Variants in MTBP observed in about 807,000 individuals in gnomAD.
MTBP encodes MDM2 binding protein.
In MTBP, 101 loss-of-function variants were observed where a neutral mutation model predicts 117.0. That is an observed-to-expected ratio of 0.86 (90% CI 0.73 to 1.02). The LOEUF (loss-of-function observed/expected upper bound fraction) is 1.02. MTBP is among the 50% of genes least tolerant of loss of function. The pLI, the probability that MTBP is intolerant of heterozygous loss-of-function variation, is 0.00. For missense variants in MTBP, 970 were observed against 1,030.9 expected, an observed-to-expected ratio of 0.94 and a Z score of 0.81; for synonymous variants, 350 against 351.5, an observed-to-expected ratio of 1.00 and a Z score of 0.05.
chr8:120,459,421 G>A (rs1046189063), intron 8 of MTBP, 72 bp downstream of exon 8: 3 of 1,427,904 alleles, frequency 2.1e-6, no homozygotes, highest in Non-Finnish European at 2.9e-6. Flanking sequence ...TTTGAATCTT[G>A]ACTTAATATT....
chr8:120,503,094 A>C (rs1053964506), intron 15 of MTBP, among the ~76,000 whole-genome samples: 6 of 152,196 alleles, frequency 3.9e-5, no homozygotes, highest in African/African-American at 1.4e-4. Context: ...CCCTTAGTAC[A>C]TAATTGTTAA....
intron 10 of MTBP, among the ~76,000 whole-genome samples, chr8:120,466,753 A>G (rs556691583): frequency 5.3e-5 from 8 of 152,090 alleles, no homozygotes; most frequent in Non-Finnish European, 1.2e-4. Flanking sequence ...GCTTGCCTGT[A>G]GTCCCAGCTA....
At chr8:120,460,126 G>A (rs1207097862) in intron 8 of MTBP, among the ~76,000 whole-genome samples, 2 of 152,018 alleles carry the variant, frequency 1.3e-5, no homozygotes, top group African/African-American at 2.4e-5. Context: ...CAAAAAGAGG[G>A]TATCATTTGA....
intron 13 of MTBP, among the ~76,000 whole-genome samples, chr8:120,493,470 G>A (rs540170223): frequency 4.4e-4 from 67 of 151,128 alleles, no homozygotes; most frequent in Non-Finnish European, 8.4e-4. Context: ...GTGTGTGTAT[G>A]TGTGTGTGGG....
intron 10 of MTBP, among the ~76,000 whole-genome samples, chr8:120,467,603 C>G (rs1586946185): frequency 6.6e-6 from 1 of 151,592 alleles, no homozygotes; most frequent in East Asian, 1.9e-4. Context: ...GAGATTGTCT[C>G]AAAAAAAAGA....
intron 12 of MTBP, among the ~76,000 whole-genome samples, chr8:120,488,905 A>G (rs1290903531): frequency 1.3e-5 from 2 of 152,126 alleles, no homozygotes; most frequent in Non-Finnish European, 2.9e-5. Context: ...GATGTCTAAG[A>G]TAGTTTCTTC....
chr8:120,506,999 G>A, intron 16 of MTBP, 138 bp downstream of exon 16: 1 of 668,528 alleles, frequency 1.5e-6, no homozygotes. Context: ...TTTGTCTGTT[G>A]GCCTTAATCT....
intron 9 of MTBP, among the ~76,000 whole-genome samples, chr8:120,462,813 C>T (rs1813607434): frequency 6.6e-6 from 1 of 151,854 alleles, no homozygotes; most frequent in African/African-American, 2.4e-5. Context: ...GGCTCTTGGC[C>T]CCCTCCTACT....
At chr8:120,453,004 T>C (rs949073069) in intron 4 of MTBP, among the ~76,000 whole-genome samples, 3 of 152,152 alleles carry the variant, frequency 2.0e-5, no homozygotes, top group Admixed American at 6.5e-5. Context: ...TAATAAACTT[T>C]TTTGAGAAAA....
chr8:120,518,851 G>A (rs777109107), intron 20 of MTBP, 34 bp downstream of exon 20: 4 of 1,421,870 alleles, frequency 2.8e-6, no homozygotes, highest in Non-Finnish European at 3.9e-6. Flanking sequence ...GCAAAATTTA[G>A]TTCATGTTCT....
rs2130602158 is a variant in MTBP, at chr8:120,502,472, G to C, written c.1610-20G>C. ...GTATGATAATACTTTTCAGACTTAT[G>C]TGTATTTCTTTCACTTTAGATTTTA... On this transcript the variant is annotated intron_variant, in intron 14 of 21. Transcript: ENST00000305949. 6.8e-7 allele frequency: 1 copy of C among 1,470,912 alleles called. No individual in the cohort carries two copies. The highest frequency in any genetic ancestry group is 2.3e-5 in the East Asian group (1 of 43,868). 91.1% of individuals were successfully genotyped at this position (1,470,912 alleles called of 1,614,324 possible).
intron 8 of MTBP, among the ~76,000 whole-genome samples, chr8:120,460,473 T>C (rs1344362402): frequency 6.6e-6 from 1 of 152,138 alleles, no homozygotes; most frequent in African/African-American, 2.4e-5. Flanking sequence ...TAAAACTTTG[T>C]GTAACCTCTT....
At chr8:120,463,032 A>C (rs952667626) in intron 9 of MTBP, among the ~76,000 whole-genome samples, 4 of 150,988 alleles carry the variant, frequency 2.6e-5, no homozygotes, top group African/African-American at 9.7e-5. Flanking sequence ...CTACAACTTG[A>C]AAAAAAAAAT....
At chr8:120,461,666 C>T (rs530351311) in intron 9 of MTBP, among the ~76,000 whole-genome samples, 12 of 152,248 alleles carry the variant, frequency 7.9e-5, no homozygotes, top group African/African-American at 2.6e-4. Flanking sequence ...CAACTTTGTC[C>T]TTCCCACCCA....
rs367678401 is a variant in MTBP, at chr8:120,518,862, A to G, written c.2610+45A>G. 168 of 1,317,488 alleles carry G rather than the reference A, an allele frequency of 1.3e-4. No homozygotes were observed. In the African/African-American group the frequency reaches 1.9e-3, roughly 15 times the overall value. 81.6% of individuals were successfully genotyped at this position (1,317,488 alleles called of 1,614,324 possible). A position where few individuals can be genotyped will look rare whatever the true frequency, so the allele number is the denominator to read the frequency against. Reference sequence around the variant, plus strand: ...AATGGCAAAATTTAGTTCATGTTCTAATGTTCCTGTTTGACATAAAAAAAA... The same window carrying G: ...AATGGCAAAATTTAGTTCATGTTCTGATGTTCCTGTTTGACATAAAAAAAA... On this transcript the variant is annotated intron_variant, in intron 20 of 21. Coordinates refer to ENST00000305949, the MANE Select transcript of MTBP (RefSeq NM_022045.5).
intron 21 of MTBP, 100 bp downstream of exon 21, chr8:120,522,819 G>C: frequency 1.2e-6 from 1 of 823,440 alleles, no homozygotes. Context: ...TCAGTTACTG[G>C]TCTTTTTCAA....
chr8:120,446,514 G>A lies in MTBP; in HGVS notation c.199+1G>A, dbSNP rs1392457099. ...AATCCAGAAGATAGTACTTTCCCTG[G>A]TAAGTATAATAAACTCCTCTTTTCT... is the stretch of plus-strand genomic sequence containing the variant. On this transcript the variant is annotated splice_donor_variant, in intron 2 of 21. Transcript: ENST00000305949. LOFTEE classifies it high-confidence loss of function. The A allele has an allele frequency of 6.5e-7, 1 of 1,537,302 alleles. No individual in the cohort carries two copies. Among genetic ancestry groups the A allele is most frequent in the Non-Finnish European group, 9.0e-7 (1 of 1,110,822 alleles).
rs117649782 is a variant in MTBP, at chr8:120,485,792, C to A, written c.1166-2367C>A. On this transcript the variant is annotated intron_variant, in intron 11 of 21. Coordinates refer to ENST00000305949, the MANE Select transcript of MTBP (RefSeq NM_022045.5). ...CTTATTAGGTTTGTTTTCTTGTTTG[C>A]GTATTTATTTGTTGTATGAGTTGGC... Among the ~76,000 whole-genome samples, 15 of 152,104 alleles carry A rather than the reference C, an allele frequency of 9.9e-5. No homozygotes were observed. The East Asian group carries it at 2.5e-3, about 25-fold the overall frequency.
At chr8:120,501,574 T>G (rs564151015) in intron 14 of MTBP, among the ~76,000 whole-genome samples, 1 of 150,954 alleles carries the variant, frequency 6.6e-6, no homozygotes, top group Non-Finnish European at 1.5e-5. Context: ...AAAAAAAAAA[T>G]TCCTTTACCA....
Sources: gnomAD v4.1 joint callset for allele counts (sites outside exome capture counted in the v4.1 genomes callset) on GRCh38, gnomAD v4.1.1 for gene constraint, MANE v1.5 for transcripts, NCBI Gene and HGNC (gene_info 2026-07-23, HGNC 2026-07-21) for gene names.